The following C12orf42 variants were observed in gnomAD, a reference collection of about 807,000 sequenced individuals.
The protein encoded by C12orf42 is uncharacterized protein C12orf42.
Under a neutral mutation model 21.6 loss-of-function variants are expected in C12orf42, and 25 were observed. The observed-to-expected ratio is 1.16, with a 90% CI of 0.84 to 1.62. The LOEUF is 1.62. Among genes scored for constraint, C12orf42 ranks in the 40% most tolerant of loss-of-function variants. C12orf42 has a pLI of 0.00. For missense variants in C12orf42, 483 were observed against 459.3 expected (o/e 1.05, Z -0.47); for synonymous variants, 174 against 175.0 (o/e 0.99, Z 0.05).
chr12:103,120,714 A>G, the C12orf42 span, among the ~76,000 whole-genome samples: 1 of 149,646 alleles, frequency 6.7e-6, no homozygotes, highest in South Asian at 2.1e-4. Flanking sequence ...TTACTATAAT[A>G]TCTGTTATTA....
At chr12:103,319,474 T>A (rs1003363274) in intron 4 of C12orf42, among the ~76,000 whole-genome samples, 2 of 152,226 alleles carry the variant, frequency 1.3e-5, no homozygotes, top group Admixed American at 1.3e-4. Context: ...GAGCTTCAAC[T>A]TGTATGAACA....
the C12orf42 span, among the ~76,000 whole-genome samples, chr12:103,501,051 T>C: frequency 6.6e-6 from 1 of 152,190 alleles, no homozygotes; most frequent in East Asian, 1.9e-4. Flanking sequence ...ATCCAAGATG[T>C]GGCTGTGGTT....
At chr12:103,505,914 T>A in the C12orf42 span, 2 of 168,668 alleles carry the variant, frequency 1.2e-5, no homozygotes, top group African/African-American at 4.8e-5. Context: ...TCTGTTCACA[T>A]TTACTATCAG....
chr12:103,550,163 T>C, the C12orf42 span, among the ~76,000 whole-genome samples: 2 of 152,246 alleles, frequency 1.3e-5, no homozygotes, highest in Non-Finnish European at 2.9e-5. Flanking sequence ...CCATTAATAA[T>C]ACAATATTAA....
intron 3 of C12orf42, among the ~76,000 whole-genome samples, chr12:103,387,750 G>A (rs1436524437): frequency 2.0e-5 from 3 of 152,104 alleles, no homozygotes; most frequent in Admixed American, 6.6e-5. Context: ...CTCTAATACC[G>A]AGAACAATAC....
chr12:103,057,912 C>T, the C12orf42 span, among the ~76,000 whole-genome samples: 167 of 152,006 alleles, frequency 1.1e-3, 2 homozygotes, highest in East Asian at 1.7e-3. Context: ...GGAAATGGTA[C>T]CTCATTGTAG....
At chr12:103,217,295 G>T in the C12orf42 span, among the ~76,000 whole-genome samples, 1 of 152,120 alleles carries the variant, frequency 6.6e-6, no homozygotes, top group African/African-American at 2.4e-5. Flanking sequence ...CGAGGCGAGA[G>T]AATCACTTGA....
chr12:103,140,795 T>C, the C12orf42 span, among the ~76,000 whole-genome samples: 1 of 152,000 alleles, frequency 6.6e-6, no homozygotes, highest in African/African-American at 2.4e-5. Context: ...CCATGTTGAA[T>C]TGCAGGCCAC....
chr12:103,146,349 G>T, the C12orf42 span, among the ~76,000 whole-genome samples: 36 of 151,006 alleles, frequency 2.4e-4, no homozygotes, highest in African/African-American at 8.8e-4. Flanking sequence ...GTGTGGTGAT[G>T]CATGCCTGTA....
chr12:103,465,615 G>A (rs12815844), intron 2 of C12orf42, among the ~76,000 whole-genome samples: 7,936 of 152,164 alleles, frequency 0.052, 276 homozygotes, highest in South Asian at 0.16. Flanking sequence ...TGATTGCCCT[G>A]GTCAGAACTT....
At chr12:103,229,468 G>T in the C12orf42 span, among the ~76,000 whole-genome samples, 13 of 140,060 alleles carry the variant, frequency 9.3e-5, no homozygotes, top group Non-Finnish European at 7.7e-5. Flanking sequence ...AGTAAGCAGG[G>T]ATCGTCAATT....
intron 2 of C12orf42, among the ~76,000 whole-genome samples, chr12:103,434,837 G>A (rs566797506): frequency 5.3e-4 from 81 of 152,324 alleles, no homozygotes; most frequent in South Asian, 1.7e-3. Flanking sequence ...GGCGACTGCC[G>A]TTGCCCAGGC....
the C12orf42 span, among the ~76,000 whole-genome samples, chr12:103,089,214 C>T: frequency 6.6e-6 from 1 of 150,444 alleles, no homozygotes; most frequent in Non-Finnish European, 1.5e-5. Flanking sequence ...CCATGGTTAT[C>T]ATCTTGACAA....
At chr12:103,076,233 G>GATA in the C12orf42 span, among the ~76,000 whole-genome samples, 2 of 149,706 alleles carry the variant, frequency 1.3e-5, no homozygotes, top group African/African-American at 2.5e-5. Context: ...AAAGTATAAT[G>GATA]ATAATAATAA....
chr12:103,394,563 C>T (rs942572697), intron 3 of C12orf42, among the ~76,000 whole-genome samples: 10 of 152,214 alleles, frequency 6.6e-5, no homozygotes, highest in African/African-American at 2.4e-4. Flanking sequence ...ACTATAATCG[C>T]TGATTTGGTT....
At chr12:103,147,623 C>CTTTTTTTTTTT in the C12orf42 span, among the ~76,000 whole-genome samples, 10 of 99,314 alleles carry the variant, frequency 1.0e-4, no homozygotes, top group East Asian at 2.9e-4. Flanking sequence ...TTCTCTCTCT[C>CTTTTTTTTTTT]TTTTTTTTTT....
the C12orf42 span, among the ~76,000 whole-genome samples, chr12:103,183,759 A>G: frequency 6.6e-6 from 1 of 152,034 alleles, no homozygotes; most frequent in Non-Finnish European, 1.5e-5. Flanking sequence ...TCCACATTTT[A>G]TACACTCGTT....
chr12:103,250,893 T>C (rs1245780903), intron 10 of C12orf42, among the ~76,000 whole-genome samples: 2 of 149,798 alleles, frequency 1.3e-5, no homozygotes, highest in African/African-American at 2.5e-5. Context: ...TGTGTGTGTG[T>C]GCATGTGTGT....
intron 2 of C12orf42, among the ~76,000 whole-genome samples, chr12:103,453,293 C>A (rs183084930): frequency 1.1e-3 from 174 of 151,358 alleles, no homozygotes; most frequent in African/African-American, 4.1e-3. Flanking sequence ...AGGTTTTTAA[C>A]GTTATATTAT....
Sources: allele counts gnomAD v4.1 joint callset (sites outside exome capture counted in the v4.1 genomes callset), GRCh38; gene constraint gnomAD v4.1.1; transcripts MANE v1.5; gene names NCBI Gene and HGNC (gene_info 2026-07-23, HGNC 2026-07-21).